Variants in SPATA18 observed in about 807,000 individuals in gnomAD.
The protein encoded by SPATA18 is mitochondria-eating protein.
In SPATA18, 54 loss-of-function variants were observed where a neutral mutation model predicts 68.1. The ratio of observed to expected loss-of-function variants is 0.79; its 90% CI spans 0.64 to 0.99. SPATA18 has a LOEUF of 0.99. Among genes scored for constraint, SPATA18 ranks in the 50% least tolerant of loss-of-function variants. SPATA18 has a pLI of 0.00. For synonymous variants in SPATA18, 242 were observed against 244.8 expected (o/e 0.99, Z 0.11); for missense variants, 724 against 681.1 (o/e 1.06, Z -0.70).
chr4:52,087,473 T>G (rs889187576), intron 11 of SPATA18, among the ~76,000 whole-genome samples: 1 of 152,098 alleles, frequency 6.6e-6, no homozygotes, highest in African/African-American at 2.4e-5. Flanking sequence ...CCAGTTTCAG[T>G]TTTCTGCATT....
intron 4 of SPATA18, among the ~76,000 whole-genome samples, chr4:52,068,452 T>C (rs542601481): frequency 2.5e-4 from 38 of 152,342 alleles, no homozygotes; most frequent in African/African-American, 9.1e-4. Flanking sequence ...TAAATGGGAA[T>C]GGAGTGCCGA....
chr4:52,052,616 C>A (rs1249811375), intron 1 of SPATA18, among the ~76,000 whole-genome samples: 1 of 152,196 alleles, frequency 6.6e-6, no homozygotes, highest in Non-Finnish European at 1.5e-5. Flanking sequence ...AATTAGCCCC[C>A]CCTTGTTTCT....
chr4:52,094,627 A>T (rs1470781011), intron 12 of SPATA18, 55 bp downstream of exon 12: 1 of 1,541,730 alleles, frequency 6.5e-7, no homozygotes, highest in African/African-American at 1.4e-5. Flanking sequence ...TACTCCTTCT[A>T]GTACTTAGCA....
At chr4:52,082,856 A>T (rs940103511) in intron 10 of SPATA18, 2 of 985,370 alleles carry the variant, frequency 2.0e-6, no homozygotes, top group Non-Finnish European at 2.4e-6. Flanking sequence ...ACTTAAAATC[A>T]ATTAACTCTC....
chr4:52,081,403 A>G (rs1740906421), intron 9 of SPATA18, among the ~76,000 whole-genome samples: 1 of 152,226 alleles, frequency 6.6e-6, no homozygotes, highest in Admixed American at 6.5e-5. Flanking sequence ...GTACATTTGA[A>G]AGCAATTACT....
rs1738751342 is a variant in SPATA18, at chr4:52,060,630, G to A, written c.193+106G>A. 3.5e-6 allele frequency: 4 copies of A among 1,142,254 alleles called. No homozygotes were observed. In the East Asian group the frequency reaches 9.7e-5, roughly 28 times the overall value. 70.8% of individuals were successfully genotyped at this position (1,142,254 alleles called of 1,614,324 possible). A position where few individuals can be genotyped will look rare whatever the true frequency, so the allele number is the denominator to read the frequency against. Reference sequence around the variant, plus strand: ...TTGGTGTGGTTGGGTTTCTCTCACTGACCTGATGACCTGATGTGTGTATTC... The same window carrying A: ...TTGGTGTGGTTGGGTTTCTCTCACTAACCTGATGACCTGATGTGTGTATTC... On this transcript the variant is annotated intron_variant, in intron 2 of 12. Coordinates refer to ENST00000295213, the MANE Select transcript of SPATA18 (RefSeq NM_145263.4).
At chr4:52,067,663 G>A (rs1233293581) in intron 4 of SPATA18, among the ~76,000 whole-genome samples, 3 of 152,062 alleles carry the variant, frequency 2.0e-5, no homozygotes, top group East Asian at 1.9e-4. Flanking sequence ...ACCACCATAC[G>A]TTGAAAGGTC....
At chr4:52,076,690 T>C in intron 6 of SPATA18, 89 bp from the exon 7 acceptor site, 1 of 1,550,984 alleles carries the variant, frequency 6.4e-7, no homozygotes. Context: ...TGCCTCCGGA[T>C]GGTCGGATTC....
chr4:52,082,820 G>T, intron 10 of SPATA18: 1 of 985,126 alleles, frequency 1.0e-6, no homozygotes, highest in Non-Finnish European at 1.2e-6. Context: ...AAGTTATCTT[G>T]TAGGAGGATT....
chr4:52,093,468 C>T (rs1011181612), intron 11 of SPATA18, among the ~76,000 whole-genome samples: 3 of 152,114 alleles, frequency 2.0e-5, no homozygotes, highest in African/African-American at 4.8e-5. Context: ...CTGGCACAAT[C>T]CTTTTGCTCT....
intron 3 of SPATA18, 127 bp downstream of exon 3, chr4:52,061,024 T>C (rs1332987929): frequency 4.1e-6 from 3 of 730,516 alleles, no homozygotes; most frequent in Non-Finnish European, 4.5e-6. Flanking sequence ...TGATGGATAT[T>C]GGTGGTTTCC....
chr4:52,054,841 C>T (rs991441395), intron 1 of SPATA18, among the ~76,000 whole-genome samples: 5 of 150,830 alleles, frequency 3.3e-5, no homozygotes, highest in Admixed American at 1.3e-4. Flanking sequence ...TTGTTTATCT[C>T]GAGGCCAGTA....
At chr4:52,080,055 A>T in intron 9 of SPATA18, 136 bp downstream of exon 9, 2 of 910,000 alleles carry the variant, frequency 2.2e-6, no homozygotes, top group Non-Finnish European at 3.3e-6. Context: ...GCCCTACCAT[A>T]TACTTCTCTG....
chr4:52,071,378 T>C (rs576639289), intron 5 of SPATA18, among the ~76,000 whole-genome samples: 77 of 152,362 alleles, frequency 5.1e-4, no homozygotes, highest in African/African-American at 1.8e-3. Context: ...AGGTTCACAC[T>C]TCTAGCTAGT....
rs897171066 is a variant in SPATA18, at chr4:52,096,679, G to T, written c.*1792G>T. 1.3e-5 allele frequency: 2 copies of T among 151,834 alleles called. No homozygotes were observed. 9.4% of individuals were successfully genotyped at this position (151,834 alleles called of 1,614,324 possible). A position where few individuals can be genotyped will look rare whatever the true frequency, so the allele number is the denominator to read the frequency against. The stretch of plus-strand genomic sequence containing the variant: ...ACCAGCTACAAATGAAAATCAATGT[G>T]TGTATTGGCAACAGAAAATCACGGT... On this transcript the variant is annotated 3_prime_UTR_variant, in exon 13 of 13. Transcript: ENST00000295213.
intron 5 of SPATA18, among the ~76,000 whole-genome samples, chr4:52,071,051 C>T (rs186700348): frequency 1.1e-3 from 162 of 152,294 alleles, no homozygotes; most frequent in African/African-American, 3.8e-3. Context: ...TCTCTAATTT[C>T]CTATTTGTTA....
rs188356212 is a variant in SPATA18, at chr4:52,069,679, T to C, written c.423-142T>C. The C allele has an allele frequency of 3.8e-4, 160 of 419,106 alleles. 1 individual carries two copies. The highest frequency in any genetic ancestry group is 3.2e-3 in the African/African-American group (157 of 49,318). The allele number at this position is 419,106 out of a possible 1,614,324, so 26.0% of individuals were successfully genotyped here. A position where few individuals can be genotyped will look rare whatever the true frequency, so the allele number is the denominator to read the frequency against. On this transcript the variant is annotated intron_variant, in intron 4 of 12. Coordinates refer to ENST00000295213, the MANE Select transcript of SPATA18 (RefSeq NM_145263.4). Reference sequence around the variant, plus strand: ...CCACAATATTTGCAATATTACCTGATTGAATGCAGATGTCTTTTAATTTGA... The same window carrying C: ...CCACAATATTTGCAATATTACCTGACTGAATGCAGATGTCTTTTAATTTGA...
intron 6 of SPATA18, among the ~76,000 whole-genome samples, chr4:52,075,767 T>C (rs894720705): frequency 1.2e-4 from 19 of 152,360 alleles, no homozygotes; most frequent in African/African-American, 3.1e-4. Flanking sequence ...GTATTGCCAA[T>C]TGGGTTCTGG....
At chr4:52,093,291 A>G (rs1210363085) in intron 11 of SPATA18, among the ~76,000 whole-genome samples, 1 of 152,212 alleles carries the variant, frequency 6.6e-6, no homozygotes, top group African/African-American at 2.4e-5. Context: ...CAGATGAGAT[A>G]GAGATTCCTC....
Sources: allele counts gnomAD v4.1 joint callset (sites outside exome capture counted in the v4.1 genomes callset), GRCh38; gene constraint gnomAD v4.1.1; transcripts MANE v1.5; gene names NCBI Gene and HGNC (gene_info 2026-07-23, HGNC 2026-07-21).